The following DLGAP5 variants were observed in gnomAD, a reference collection of about 807,000 sequenced individuals.
The protein encoded by DLGAP5 is DLG associated protein 5.
A neutral mutation model predicts 99.6 loss-of-function variants in DLGAP5; 90 were observed. The observed-to-expected ratio is 0.90, with a 90% CI of 0.76 to 1.08. The LOEUF is 1.08. DLGAP5 is among the 50% of genes least tolerant of loss of function. The probability of loss-of-function intolerance (pLI) is 0.00; values close to 1 mark genes in which losing one functional copy is unlikely to be tolerated. For synonymous variants in DLGAP5, 311 were observed against 321.3 expected, an observed-to-expected ratio of 0.97 and a Z score of 0.34; for missense variants, 1,036 against 983.5, an observed-to-expected ratio of 1.05 and a Z score of -0.71.
intron 12 of DLGAP5, 64 bp downstream of exon 12, chr14:55,169,335 T>C: frequency 8.2e-7 from 1 of 1,219,938 alleles, no homozygotes; most frequent in Non-Finnish European, 1.1e-6. Context: ...ATTTTACTCC[T>C]GCTACTTAAA....
chr14:55,148,704 G>GAAACACGT (rs776640401), intron 18 of DLGAP5: 10 of 708,440 alleles, frequency 1.4e-5, no homozygotes, highest in Non-Finnish European at 2.3e-5. Flanking sequence ...AAACAAACAA[G>GAAACACGT]AAACACGTAA....
Position 55,162,970 on chromosome 14 carries a change from C to T in DLGAP5, c.1653+1G>A, listed in dbSNP as rs1435382900. The T allele has an allele frequency of 6.5e-7, 1 of 1,545,822 alleles. No homozygotes were observed. The highest frequency in any genetic ancestry group is 2.3e-5 in the East Asian group (1 of 43,282). On this transcript the variant is annotated splice_donor_variant, in intron 13 of 18. Coordinates refer to ENST00000247191, the MANE Select transcript of DLGAP5 (RefSeq NM_014750.5). LOFTEE classifies it high-confidence loss of function. ...ATTGGATATAAAACCCACAAACTTA[C>T]CCTAAAGACATTTTTGTTCATATTA... is the stretch of plus-strand genomic sequence containing the variant.
intron 7 of DLGAP5, among the ~76,000 whole-genome samples, chr14:55,177,857 GACTA>G (rs1883134620): frequency 1.3e-5 from 2 of 151,900 alleles, no homozygotes; most frequent in South Asian, 2.1e-4. Context: ...CTTATTTAAA[GACTA>G]ACTAATACCT....
chr14:55,167,551 G>T (rs1218725736), intron 12 of DLGAP5, among the ~76,000 whole-genome samples: 1 of 152,132 alleles, frequency 6.6e-6, no homozygotes, highest in African/African-American at 2.4e-5. Flanking sequence ...TTTTGGTTTG[G>T]TTGAGACAGG....
Position 55,151,956 on chromosome 14 carries a change from G to A in DLGAP5, c.2122-15C>T. 6.3e-7 allele frequency: 1 copy of A among 1,596,834 alleles called. No individual in the cohort carries two copies. Among genetic ancestry groups the A allele is most frequent in the Non-Finnish European group, 8.5e-7 (1 of 1,172,928 alleles). The stretch of plus-strand genomic sequence containing the variant: ...TTATTTACAACCTGGAAGTAAAAAT[G>A]GCATTATATTTAATTATCAATTTAA... On this transcript the variant is annotated splice_polypyrimidine_tract_variant and intron_variant, in intron 16 of 18. Coordinates refer to ENST00000247191, the MANE Select transcript of DLGAP5 (RefSeq NM_014750.5).
chr14:55,148,565 A>C, intron 18 of DLGAP5, 92 bp from the exon 19 acceptor site: 1 of 1,598,894 alleles, frequency 6.3e-7, no homozygotes, highest in Non-Finnish European at 8.5e-7. Context: ...AATTAATAAC[A>C]AAAATAAACC....
At chr14:55,155,318 C>A (rs1268410063) in intron 14 of DLGAP5, among the ~76,000 whole-genome samples, 1 of 150,548 alleles carries the variant, frequency 6.6e-6, no homozygotes. Flanking sequence ...AGCCACTGCG[C>A]CAGGCCTGAA....
At chr14:55,182,277 A>T in intron 4 of DLGAP5, 93 bp downstream of exon 4, 1 of 1,065,462 alleles carries the variant, frequency 9.4e-7, no homozygotes, top group Non-Finnish European at 1.4e-6. Context: ...ATTAATCATT[A>T]TGTTTGAATC....
At chr14:55,172,300 A>G (rs1882887181) in intron 10 of DLGAP5, among the ~76,000 whole-genome samples, 1 of 151,272 alleles carries the variant, frequency 6.6e-6, no homozygotes, top group Non-Finnish European at 1.5e-5. Context: ...CCAGCCTGGG[A>G]AACATGGCGA....
chr14:55,159,700 A>G (rs1246627201), intron 13 of DLGAP5, among the ~76,000 whole-genome samples: 5 of 152,212 alleles, frequency 3.3e-5, no homozygotes, highest in African/African-American at 7.2e-5. Context: ...GAGTCATGAT[A>G]TATAGAATTA....
At chr14:55,179,535 T>C in intron 7 of DLGAP5, 94 bp downstream of exon 7, 1 of 1,067,246 alleles carries the variant, frequency 9.4e-7, no homozygotes, top group Non-Finnish European at 1.4e-6. Context: ...TAGGTTAACC[T>C]TTTGAAGCAG....
chr14:55,161,389 CTT>C (rs1460126007), intron 13 of DLGAP5, among the ~76,000 whole-genome samples: 1 of 141,098 alleles, frequency 7.1e-6, no homozygotes, highest in East Asian at 2.1e-4. Flanking sequence ...TGTCATGAGA[CTT>C]TATTAGTAAA....
chr14:55,175,827 C>A, intron 9 of DLGAP5, 67 bp downstream of exon 9: 2 of 1,391,170 alleles, frequency 1.4e-6, no homozygotes, highest in Non-Finnish European at 1.9e-6. Flanking sequence ...ATTACTATAC[C>A]TGAAAGCAAA....
At chr14:55,189,754 C>T (rs1883549324) in intron 1 of DLGAP5, among the ~76,000 whole-genome samples, 1 of 152,164 alleles carries the variant, frequency 6.6e-6, no homozygotes, top group African/African-American at 2.4e-5. Context: ...TAGGAACCTT[C>T]ATGTATTCAC....
At chr14:55,188,871 C>T (rs1566510701) in intron 2 of DLGAP5, 71 bp downstream of exon 2, 8 of 1,082,500 alleles carry the variant, frequency 7.4e-6, no homozygotes, top group Non-Finnish European at 9.2e-6. Context: ...GAGTTTTTTA[C>T]TCACACAGGC....
intron 18 of DLGAP5, chr14:55,150,353 C>G (rs745782334): frequency 5.2e-4 from 80 of 154,928 alleles, no homozygotes; most frequent in Non-Finnish European, 6.8e-4. Flanking sequence ...GAAGGCTTCA[C>G]AAAAGGGCTG....
chr14:55,166,490 G>T (rs1882647050), intron 12 of DLGAP5, among the ~76,000 whole-genome samples: 1 of 151,938 alleles, frequency 6.6e-6, no homozygotes. Flanking sequence ...AGCACTTTGG[G>T]AGGCCGAGGC....
chr14:55,167,179 A>T (rs527946458), intron 12 of DLGAP5, among the ~76,000 whole-genome samples: 1 of 150,472 alleles, frequency 6.6e-6, no homozygotes, highest in African/African-American at 2.5e-5. Context: ...GCTTGAACCC[A>T]GGAGGCAGAG....
chr14:55,175,448 G>T lies in DLGAP5; in HGVS notation c.1199C>A (p.Ala400Asp). 1 of 1,365,492 alleles carries T rather than the reference G, an allele frequency of 7.3e-7. No homozygotes were observed. 84.6% of individuals were successfully genotyped at this position (1,365,492 alleles called of 1,614,324 possible). ...AAGGCCATTTAAATTTTTAGTAGTAGCTTCATTTTTATTTAAAACATGTTC... is the reference window on the plus strand; with the variant it reads ...AAGGCCATTTAAATTTTTAGTAGTATCTTCATTTTTATTTAAAACATGTTC... ...HEEHVLNKNE[A>D]TTKNLNGLPI... The change falls in exon 10 of 19, where the codon GCT (alanine) becomes GAT (aspartate). Residue 400 changes from alanine to aspartate, a missense_variant. Transcript: ENST00000247191.
Sources: allele counts gnomAD v4.1 joint callset (sites outside exome capture counted in the v4.1 genomes callset), GRCh38; gene constraint gnomAD v4.1.1; transcripts MANE v1.5; gene names NCBI Gene and HGNC (gene_info 2026-07-23, HGNC 2026-07-21).